ADAMTS19: variants seen among roughly 807,000 people sequenced by gnomAD.
ADAMTS19 encodes A disintegrin and metalloproteinase with thrombospondin motifs 19.
ADAMTS19 carries 93 observed loss-of-function variants against 153.3 expected under a neutral mutation model. The ratio of observed to expected loss-of-function variants is 0.61; its 90% CI spans 0.51 to 0.72. The LOEUF (loss-of-function observed/expected upper bound fraction) is 0.72. Ranked by LOEUF, ADAMTS19 falls within the 30% of genes least tolerant of loss-of-function variation. The probability of loss-of-function intolerance (pLI) is 0.00; values close to 1 mark genes in which losing one functional copy is unlikely to be tolerated. For synonymous variants in ADAMTS19, 600 were observed against 556.6 expected, an observed-to-expected ratio of 1.08 and a Z score of -1.10; for missense variants, 1,482 against 1,552.1, an observed-to-expected ratio of 0.95 and a Z score of 0.76.
intron 7 of ADAMTS19, among the ~76,000 whole-genome samples, chr5:129,563,557 C>T (rs1051314015): frequency 1.3e-5 from 2 of 152,196 alleles, no homozygotes; most frequent in African/African-American, 4.8e-5. Context: ...TTTTTGCCCA[C>T]TCAGTCTAGT....
chr5:129,702,929 CAA>C (rs376208133), intron 20 of ADAMTS19, among the ~76,000 whole-genome samples: 49 of 44,288 alleles, frequency 1.1e-3, no homozygotes, highest in African/African-American at 4.3e-3. Context: ...TTTGACTTGC[CAA>C]AAAAAAAAAA....
intron 6 of ADAMTS19, among the ~76,000 whole-genome samples, chr5:129,547,179 G>C (rs894910818): frequency 1.3e-5 from 2 of 150,640 alleles, no homozygotes; most frequent in African/African-American, 5.0e-5. Flanking sequence ...AAGTCAGAGA[G>C]GGTCATATGA....
intron 8 of ADAMTS19, 47 bp downstream of exon 8, chr5:129,596,711 G>A (rs774218092): frequency 1.8e-5 from 24 of 1,360,886 alleles, no homozygotes; most frequent in Non-Finnish European, 2.3e-5. Context: ...ATATAACTTT[G>A]TAATTCGAGT....
intron 7 of ADAMTS19, among the ~76,000 whole-genome samples, chr5:129,592,249 A>G (rs1750169460): frequency 1.3e-5 from 2 of 151,804 alleles, no homozygotes; most frequent in South Asian, 4.2e-4. Flanking sequence ...GTATGGTGGC[A>G]GGTGCCTGTA....
chr5:129,680,526 A>G (rs886511216), intron 17 of ADAMTS19, among the ~76,000 whole-genome samples: 3 of 152,104 alleles, frequency 2.0e-5, no homozygotes, highest in Non-Finnish European at 4.4e-5. Flanking sequence ...TGGGAGTCCA[A>G]GGTGGGTGGA....
At position 129,481,225 on chromosome 5, in the gene ADAMTS19, C is replaced by T. The variant is rs556442341; in HGVS notation, c.747+19468C>T. On this transcript the variant is annotated intron_variant, in intron 2 of 22. Coordinates refer to ENST00000274487, the MANE Select transcript of ADAMTS19 (RefSeq NM_133638.6). ...AAGGTGAAGGGGGAACAGGCACCTTCTTCACAAGGTGGCAGGAGAGAGAGA... is the reference window on the plus strand; with the variant it reads ...AAGGTGAAGGGGGAACAGGCACCTTTTTCACAAGGTGGCAGGAGAGAGAGA... Among the ~76,000 whole-genome samples, 11 of 152,270 alleles carry T rather than the reference C, an allele frequency of 7.2e-5. No individual in the cohort carries two copies. The South Asian group carries it at 2.1e-3, about 29-fold the overall frequency.
At chr5:129,628,152 G>C (rs535928782) in intron 10 of ADAMTS19, among the ~76,000 whole-genome samples, 1 of 152,114 alleles carries the variant, frequency 6.6e-6, no homozygotes, top group African/African-American at 2.4e-5. Flanking sequence ...TCTTTTGCAG[G>C]AACATGGATG....
intron 2 of ADAMTS19, among the ~76,000 whole-genome samples, chr5:129,492,800 A>T (rs1750811635): frequency 6.6e-6 from 1 of 152,156 alleles, no homozygotes; most frequent in South Asian, 2.1e-4. Context: ...TTGCCACATA[A>T]ACTTCAGTAA....
At position 129,461,009 on chromosome 5, in the gene ADAMTS19, C is replaced by A. The variant is rs1036196311; in HGVS notation, c.92-93C>A. 20 of 1,253,292 alleles carry A rather than the reference C, an allele frequency of 1.6e-5. No individual in the cohort carries two copies. The highest frequency in any genetic ancestry group is 1.9e-5 in the Non-Finnish European group (19 of 1,000,292). The allele number at this position is 1,253,292 out of a possible 1,614,324, so 77.6% of individuals were successfully genotyped here. On this transcript the variant is annotated intron_variant, in intron 1 of 22. Transcript: ENST00000274487. The surrounding 1 kb of genome is among the most constrained non-coding windows in gnomAD (Gnocchi z 4.6). ...TGGTCTCCATTGCATTCAACGCGAG[C>A]GCCCTGTATCTATGGACTGTGAGCT...
intron 2 of ADAMTS19, among the ~76,000 whole-genome samples, chr5:129,490,986 AT>A (rs1750748883): frequency 3.3e-5 from 5 of 152,024 alleles, no homozygotes; most frequent in Admixed American, 3.3e-4. Context: ...GTTAGAGATA[AT>A]GTGGAATTGC....
Position 129,735,122 on chromosome 5 carries a change from A to T in ADAMTS19, c.3490+13A>T. On this transcript the variant is annotated intron_variant, in intron 22 of 22. Transcript: ENST00000274487. ...TCACCCAGACTGGGTAAGCAGACAA[A>T]AAAAAAAGATGCTTTTGAAAAACAT... The T allele has an allele frequency of 6.5e-7, 1 of 1,536,826 alleles. No individual in the cohort carries two copies. The highest frequency in any genetic ancestry group is 8.7e-7 in the Non-Finnish European group (1 of 1,146,144).
At chr5:129,726,021 C>T (rs780712979) in intron 21 of ADAMTS19, among the ~76,000 whole-genome samples, 4 of 152,094 alleles carry the variant, frequency 2.6e-5, no homozygotes, top group Admixed American at 6.6e-5. Flanking sequence ...AAGGGATTAT[C>T]GACATCAACT....
At chr5:129,688,482 A>G (rs972962264) in intron 18 of ADAMTS19, among the ~76,000 whole-genome samples, 4 of 152,150 alleles carry the variant, frequency 2.6e-5, no homozygotes, top group Admixed American at 6.5e-5. Context: ...TATATTTTAC[A>G]TCAGCATCTC....
chr5:129,674,371 A>C (rs950314639), intron 16 of ADAMTS19, among the ~76,000 whole-genome samples: 1 of 152,078 alleles, frequency 6.6e-6, no homozygotes, highest in South Asian at 2.1e-4. Context: ...TTAGCCTGAC[A>C]ATCTCTCTTT....
Position 129,461,680 on chromosome 5 carries a change from G to T in ADAMTS19, c.670G>T (p.Ala224Ser), listed in dbSNP as rs748458894. 15 of 1,579,306 alleles carry T rather than the reference G, an allele frequency of 9.5e-6. No homozygotes were observed. Among genetic ancestry groups the T allele is most frequent in the African/African-American group, 2.7e-5 (2 of 73,130 alleles). ...SAPQPPAPPD[A>S]GCFYTGAVLR... ...CCCGCAACCTCCCGCGCCACCAGACGCAGGCTGCTTCTACACCGGAGCTGT... is the reference window on the plus strand; with the variant it reads ...CCCGCAACCTCCCGCGCCACCAGACTCAGGCTGCTTCTACACCGGAGCTGT... The change falls in exon 2 of 23, where the codon GCA (alanine) becomes TCA (serine). Residue 224 changes from alanine (A) to serine (S), a missense_variant. Physicochemically the swap from Ala to Ser is moderately conservative, Grantham distance 99 (BLOSUM62 1). Transcript: ENST00000274487. The surrounding 1 kb of genome is among the most constrained non-coding windows in gnomAD (Gnocchi z 4.6).
chr5:129,692,346 A>T (rs1420067070), intron 18 of ADAMTS19, among the ~76,000 whole-genome samples: 1 of 152,140 alleles, frequency 6.6e-6, no homozygotes, highest in Non-Finnish European at 1.5e-5. Context: ...ATGTGAAAAA[A>T]AAAAGAGCAT....
chr5:129,619,959 G>A (rs1040355547), intron 8 of ADAMTS19, among the ~76,000 whole-genome samples: 1 of 152,010 alleles, frequency 6.6e-6, no homozygotes, highest in African/African-American at 2.4e-5. Flanking sequence ...AAATAGAATA[G>A]AGGAGTAAGT....
chr5:129,704,661 T>C (rs1454267575), intron 21 of ADAMTS19, among the ~76,000 whole-genome samples: 1 of 152,216 alleles, frequency 6.6e-6, no homozygotes, highest in South Asian at 2.1e-4. Context: ...GCTTTTTTGT[T>C]AATTATTCAT....
chr5:129,562,031 G>C (rs912490349), intron 7 of ADAMTS19, among the ~76,000 whole-genome samples: 1 of 152,054 alleles, frequency 6.6e-6, no homozygotes. Flanking sequence ...CCATCAGTTG[G>C]TTTTTATAGA....
Sources: allele counts gnomAD v4.1 joint callset (sites outside exome capture counted in the v4.1 genomes callset), GRCh38; gene constraint gnomAD v4.1.1; non-coding constraint Gnocchi (gnomAD v3.1); transcripts MANE v1.5; gene names NCBI Gene and HGNC (gene_info 2026-07-23, HGNC 2026-07-21).